MAPRE2: variants seen among roughly 807,000 people sequenced by gnomAD.
MAPRE2 encodes microtubule-associated protein RP/EB family member 2.
In MAPRE2, 13 loss-of-function variants were observed where a neutral mutation model predicts 43.2. The observed-to-expected ratio is 0.30, with a 90% CI of 0.20 to 0.48. MAPRE2 has a LOEUF of 0.48. Ranked by LOEUF, MAPRE2 falls within the 20% of genes least tolerant of loss-of-function variation. The pLI is 0.99. For synonymous variants in MAPRE2, 135 were observed against 148.8 expected (o/e 0.91, Z 0.68); for missense variants, 161 against 400.2 (o/e 0.40, Z 5.10).
intron 6 of MAPRE2, among the ~76,000 whole-genome samples, chr18:35,139,744 C>T (rs1391294839): frequency 1.3e-5 from 2 of 152,130 alleles, no homozygotes; most frequent in African/African-American, 4.8e-5. Context: ...GTATCTAAGC[C>T]TACATCAGGT....
At chr18:35,127,142 G>T in intron 5 of MAPRE2, 55 bp downstream of exon 5, 1 of 1,599,748 alleles carries the variant, frequency 6.3e-7, no homozygotes, top group Non-Finnish European at 8.6e-7. Flanking sequence ...GTAAGAGGTA[G>T]GGGGCCTAGG....
At chr18:35,049,386 T>A (rs1364026860) in intron 1 of MAPRE2, among the ~76,000 whole-genome samples, 1 of 152,232 alleles carries the variant, frequency 6.6e-6, no homozygotes, top group Non-Finnish European at 1.5e-5. Flanking sequence ...TCTAATAATG[T>A]CATTTTTAAA....
At chr18:35,043,603 T>C (rs1179963279) in intron 1 of MAPRE2, among the ~76,000 whole-genome samples, 1 of 152,234 alleles carries the variant, frequency 6.6e-6, no homozygotes, top group East Asian at 1.9e-4. Context: ...GCATTCAAAA[T>C]TATGTAAAAA....
At chr18:35,041,036 A>G (rs1905314610), upstream of MAPRE2, among the ~76,000 whole-genome samples, 1 of 152,210 alleles carries the variant, frequency 6.6e-6, no homozygotes, top group East Asian at 1.9e-4. Context: ...ATGGCATAAA[A>G]ACTTGGTATT....
At chr18:35,074,943 C>T (rs1391214814) in intron 2 of MAPRE2, among the ~76,000 whole-genome samples, 1 of 151,882 alleles carries the variant, frequency 6.6e-6, no homozygotes, top group Non-Finnish European at 1.5e-5. Flanking sequence ...TGAATTAAAC[C>T]ATTTTTAGAT....
chr18:35,049,207 A>G (rs1257581944), intron 1 of MAPRE2, among the ~76,000 whole-genome samples: 1 of 152,172 alleles, frequency 6.6e-6, no homozygotes, highest in Non-Finnish European at 1.5e-5. Flanking sequence ...TACTTTGATT[A>G]TAAACAGTGG....
chr18:35,017,016 T>C (rs1191129793), intron 2 of MAPRE2, among the ~76,000 whole-genome samples: 1 of 152,034 alleles, frequency 6.6e-6, no homozygotes, highest in Non-Finnish European at 1.5e-5. Context: ...TTCTGCTGCA[T>C]ATGGCTAGCT....
chr18:35,142,902 T>TCG lies in MAPRE2; in HGVS notation c.*2533_*2534insCG. 1 of 151,990 alleles carries TCG rather than the reference T, an allele frequency of 6.6e-6. No homozygotes were observed. Among genetic ancestry groups the TCG allele is most frequent in the African/African-American group, 2.4e-5 (1 of 41,338 alleles). 9.4% of individuals were successfully genotyped at this position (151,990 alleles called of 1,614,324 possible). ...CATCGGGCTGGGCAGGAAGCGTCCCTGATTGCGTGCTCCACTTCTCCCTCT... is the reference window on the plus strand; with the variant it reads ...CATCGGGCTGGGCAGGAAGCGTCCCTCGGATTGCGTGCTCCACTTCTCCCTCT... On this transcript the variant is annotated 3_prime_UTR_variant, in exon 7 of 7. Coordinates refer to ENST00000300249, the MANE Select transcript of MAPRE2 (RefSeq NM_014268.4).
At chr18:35,137,252 C>T (rs1382736885) in intron 6 of MAPRE2, among the ~76,000 whole-genome samples, 4 of 152,192 alleles carry the variant, frequency 2.6e-5, no homozygotes, top group Non-Finnish European at 4.4e-5. Flanking sequence ...CATGACATCA[C>T]AGAGGGGTCC....
upstream of MAPRE2, chr18:35,041,251 GC>G: frequency 8.2e-7 from 1 of 1,223,006 alleles, no homozygotes; most frequent in Non-Finnish European, 1.1e-6. Flanking sequence ...GGAGCTGCTG[GC>G]GTGGTCACGC....
At chr18:35,000,562 A>G (rs541545315) in intron 1 of MAPRE2, among the ~76,000 whole-genome samples, 1 of 152,300 alleles carries the variant, frequency 6.6e-6, no homozygotes, top group South Asian at 2.1e-4. Flanking sequence ...TTGTTTGTCA[A>G]AGAAAGAGGA....
chr18:35,034,818 T>C (rs1466022500), intron 2 of MAPRE2, among the ~76,000 whole-genome samples: 6 of 152,128 alleles, frequency 3.9e-5, no homozygotes, highest in Non-Finnish European at 8.8e-5. Context: ...TGAGATACCA[T>C]CTCACGCCAG....
intron 1 of MAPRE2, among the ~76,000 whole-genome samples, chr18:34,982,301 T>C (rs925508477): frequency 8.5e-5 from 13 of 152,182 alleles, no homozygotes; most frequent in African/African-American, 2.9e-4. Flanking sequence ...TTCCAAGTCA[T>C]AGAAGCATAA....
intron 1 of MAPRE2, among the ~76,000 whole-genome samples, chr18:35,047,045 CT>C (rs1905664307): frequency 6.6e-6 from 1 of 152,192 alleles, no homozygotes; most frequent in Non-Finnish European, 1.5e-5. Flanking sequence ...GATGAAACTG[CT>C]CAGGACACTC....
At chr18:34,978,492 A>C (rs1384675979) in intron 1 of MAPRE2, 19 of 1,551,162 alleles carry the variant, frequency 1.2e-5, no homozygotes, top group Non-Finnish European at 8.7e-7. Context: ...CGCGATTTAC[A>C]CTTTTGCTGA....
chr18:34,982,556 G>T (rs963301855), intron 1 of MAPRE2, among the ~76,000 whole-genome samples: 1 of 152,172 alleles, frequency 6.6e-6, no homozygotes, highest in Non-Finnish European at 1.5e-5. Flanking sequence ...ATAAGAAAAA[G>T]TCTGGCTTTG....
At chr18:35,108,186 C>T (rs1908998930) in intron 4 of MAPRE2, among the ~76,000 whole-genome samples, 1 of 152,116 alleles carries the variant, frequency 6.6e-6, no homozygotes, top group Non-Finnish European at 1.5e-5. Context: ...TGTGTTCTCA[C>T]TGTTCACTTC....
At chr18:35,026,211 G>GT (rs751807684) in intron 2 of MAPRE2, among the ~76,000 whole-genome samples, 19 of 152,146 alleles carry the variant, frequency 1.2e-4, no homozygotes, top group Non-Finnish European at 2.2e-4. Flanking sequence ...AAATGAACAG[G>GT]TATGATGTCT....
intron 1 of MAPRE2, among the ~76,000 whole-genome samples, chr18:35,068,658 A>C (rs1233074838): frequency 6.6e-6 from 1 of 152,340 alleles, no homozygotes; most frequent in Non-Finnish European, 1.5e-5. Context: ...CCTGTATCTC[A>C]GGGTACCTCA....
Sources: allele counts gnomAD v4.1 joint callset (sites outside exome capture counted in the v4.1 genomes callset), GRCh38; gene constraint gnomAD v4.1.1; transcripts MANE v1.5; gene names NCBI Gene and HGNC (gene_info 2026-07-23, HGNC 2026-07-21).